BRINP3: variants seen among roughly 807,000 people sequenced by gnomAD.
BRINP3 encodes BMP/retinoic acid inducible neural specific 3, also known as BMP/retinoic acid-inducible neural-specific protein 3.
A neutral mutation model predicts 71.0 loss-of-function variants in BRINP3; 19 were observed. That is an observed-to-expected ratio of 0.27 (90% CI 0.19 to 0.39). The LOEUF (loss-of-function observed/expected upper bound fraction) is 0.39, where lower values mean the gene tolerates loss of function less well. Ranked by LOEUF, BRINP3 falls within the 10% of genes least tolerant of loss-of-function variation. BRINP3 has a pLI of 1.00. For missense variants in BRINP3, 959 were observed against 940.8 expected, an observed-to-expected ratio of 1.02 and a Z score of -0.25; for synonymous variants, 380 against 337.7, an observed-to-expected ratio of 1.13 and a Z score of -1.37.
chr1:190,327,959 G>C (rs546260695), intron 2 of BRINP3, among the ~76,000 whole-genome samples: 1 of 152,038 alleles, frequency 6.6e-6, no homozygotes, highest in South Asian at 2.1e-4. Context: ...CCATACTCTT[G>C]GAGTAAAAAC....
chr1:190,230,410 A>G (rs1172053479), intron 5 of BRINP3, among the ~76,000 whole-genome samples: 3 of 151,930 alleles, frequency 2.0e-5, no homozygotes, highest in African/African-American at 7.2e-5. Context: ...ACTACCTTAA[A>G]TAGTTTTGAA....
chr1:190,147,612 G>A (rs149570602), intron 7 of BRINP3, among the ~76,000 whole-genome samples: 15 of 152,266 alleles, frequency 9.9e-5, no homozygotes, highest in African/African-American at 2.9e-4. Flanking sequence ...TAAAGAAATT[G>A]TTTTCATTCT....
intron 6 of BRINP3, among the ~76,000 whole-genome samples, chr1:190,199,907 A>T (rs921280302): frequency 3.9e-5 from 6 of 152,052 alleles, no homozygotes; most frequent in Non-Finnish European, 8.8e-5. Context: ...TAAAATATTC[A>T]CCTTGTCTAT....
At chr1:190,140,357 T>C (rs1022822034) in intron 7 of BRINP3, among the ~76,000 whole-genome samples, 1 of 152,092 alleles carries the variant, frequency 6.6e-6, no homozygotes, top group African/African-American at 2.4e-5. Context: ...ATGCAAAATC[T>C]ACAATTATAT....
intron 1 of BRINP3, among the ~76,000 whole-genome samples, chr1:190,459,936 CTT>C (rs1676271540): frequency 6.6e-6 from 1 of 151,814 alleles, no homozygotes; most frequent in Non-Finnish European, 1.5e-5. Context: ...CTCTCTGTCT[CTT>C]TTTCTCTTTC....
intron 2 of BRINP3, among the ~76,000 whole-genome samples, chr1:190,356,035 T>C (rs1402870869): frequency 6.6e-6 from 1 of 151,994 alleles, no homozygotes; most frequent in Non-Finnish European, 1.5e-5. Context: ...GTTCAGTATC[T>C]GTTCAATAGG....
At chr1:190,376,863 T>G (rs2102223678) in intron 2 of BRINP3, among the ~76,000 whole-genome samples, 1 of 152,134 alleles carries the variant, frequency 6.6e-6, no homozygotes, top group Admixed American at 6.6e-5. Flanking sequence ...ACTCATTTTC[T>G]ATTTTTAGCC....
chr1:190,451,110 A>G (rs1182741470), intron 2 of BRINP3, among the ~76,000 whole-genome samples: 1 of 152,198 alleles, frequency 6.6e-6, no homozygotes, highest in Non-Finnish European at 1.5e-5. Flanking sequence ...TTGAAAAATT[A>G]TAAGAAAATC....
chr1:190,442,801 CGT>C (rs35183761), intron 2 of BRINP3, among the ~76,000 whole-genome samples: 24,503 of 132,540 alleles, frequency 0.18, 2,370 homozygotes, highest in South Asian at 0.23. Context: ...CATGCCTGTG[CGT>C]GTGTGTGTGT....
intron 1 of BRINP3, among the ~76,000 whole-genome samples, chr1:190,468,537 A>AGTT (rs1314972444): frequency 6.6e-6 from 1 of 151,260 alleles, no homozygotes; most frequent in African/African-American, 2.4e-5. Flanking sequence ...AACCTGCCAG[A>AGTT]GTTCACTCTA....
intron 7 of BRINP3, among the ~76,000 whole-genome samples, chr1:190,130,139 A>G (rs1654419884): frequency 6.6e-6 from 1 of 151,980 alleles, no homozygotes; most frequent in Admixed American, 6.6e-5. Context: ...TCTAGTTTGC[A>G]AGTTTTAAGA....
chr1:190,169,033 G>A (rs977380964), intron 6 of BRINP3, among the ~76,000 whole-genome samples: 1 of 152,138 alleles, frequency 6.6e-6, no homozygotes, highest in African/African-American at 2.4e-5. Context: ...CAAGGACGTA[G>A]ATCATCTCAC....
At chr1:190,150,407 T>C (rs985557589) in intron 7 of BRINP3, among the ~76,000 whole-genome samples, 3 of 152,142 alleles carry the variant, frequency 2.0e-5, no homozygotes, top group Admixed American at 2.0e-4. Flanking sequence ...GTATTGAGAT[T>C]AGAGATTGCG....
chr1:190,384,654 C>CAG (rs1206025665), intron 2 of BRINP3, among the ~76,000 whole-genome samples: 1 of 151,896 alleles, frequency 6.6e-6, no homozygotes, highest in African/African-American at 2.4e-5. Flanking sequence ...TGTACCTCAA[C>CAG]TCTGTGAAGC....
chr1:190,156,942 C>A lies in BRINP3; in HGVS notation c.1184+3726G>T, dbSNP rs73056719. Among the ~76,000 whole-genome samples the A allele has an allele frequency of 2.0e-5, 3 of 151,980 alleles. No individual in the cohort carries two copies. The East Asian group carries it at 5.8e-4, about 29-fold the overall frequency. On this transcript the variant is annotated intron_variant, in intron 7 of 7. Coordinates refer to ENST00000367462, the MANE Select transcript of BRINP3 (RefSeq NM_199051.3). ...GAACTTGTATAGCATTTTTGTATGT[C>A]AACTTATAATTCATTTATTTTTACT...
chr1:190,462,601 G>A (rs1676469576), intron 1 of BRINP3, among the ~76,000 whole-genome samples: 1 of 152,058 alleles, frequency 6.6e-6, no homozygotes, highest in South Asian at 2.1e-4. Flanking sequence ...AAAATGAAAT[G>A]CTATTTTTAT....
At chr1:190,327,339 AAAAAAAAAAAAG>A in intron 2 of BRINP3, among the ~76,000 whole-genome samples, 1 of 144,204 alleles carries the variant, frequency 6.9e-6, no homozygotes, top group Admixed American at 7.0e-5. Flanking sequence ...AAAAAAAAAA[AAAAAAAAAAAAG>A]GAAAAAAAAA....
intron 3 of BRINP3, among the ~76,000 whole-genome samples, chr1:190,266,125 G>C (rs1044465547): frequency 3.3e-5 from 5 of 152,160 alleles, no homozygotes; most frequent in Admixed American, 2.6e-4. Flanking sequence ...TACTCATCTA[G>C]CACATAATTG....
chr1:190,158,593 T>A (rs979570941), intron 7 of BRINP3, among the ~76,000 whole-genome samples: 18 of 151,994 alleles, frequency 1.2e-4, no homozygotes, highest in Non-Finnish European at 1.9e-4. Context: ...TGTGTACATT[T>A]ACCACCTGAA....
Sources: gnomAD v4.1 joint callset for allele counts (sites outside exome capture counted in the v4.1 genomes callset) on GRCh38, gnomAD v4.1.1 for gene constraint, MANE v1.5 for transcripts, NCBI Gene and HGNC (gene_info 2026-07-23, HGNC 2026-07-21) for gene names.